Variants in RBFOX1 observed in about 807,000 individuals in gnomAD.
RBFOX1 encodes the protein RNA binding protein fox-1 homolog 1.
RBFOX1 carries 8 observed loss-of-function variants against 57.7 expected under a neutral mutation model. The ratio of observed to expected loss-of-function variants is 0.14; its 90% CI spans 0.08 to 0.25. The LOEUF (loss-of-function observed/expected upper bound fraction) is 0.25. Among genes scored for constraint, RBFOX1 ranks in the 10% least tolerant of loss-of-function variants. The pLI, the probability that RBFOX1 is intolerant of heterozygous loss-of-function variation, is 1.00. For missense variants in RBFOX1, 611 were observed against 548.5 expected, an observed-to-expected ratio of 1.11 and a Z score of -1.14; for synonymous variants, 326 against 222.4, an observed-to-expected ratio of 1.47 and a Z score of -4.15.
intron 4 of RBFOX1, among the ~76,000 whole-genome samples, chr16:5,932,943 A>G (rs182545068): frequency 1.3e-5 from 2 of 152,252 alleles, no homozygotes; most frequent in East Asian, 1.9e-4. Flanking sequence ...TCTCAAAATT[A>G]TTAGGTAATG....
At chr16:6,718,929 C>G (rs2065376040) in intron 3 of RBFOX1, among the ~76,000 whole-genome samples, 1 of 152,014 alleles carries the variant, frequency 6.6e-6, no homozygotes, top group Non-Finnish European at 1.5e-5. Context: ...GTGGCATGAT[C>G]TCAGCTTGCT....
At chr16:7,194,417 T>C (rs931119641) in intron 4 of RBFOX1, among the ~76,000 whole-genome samples, 4 of 152,174 alleles carry the variant, frequency 2.6e-5, no homozygotes, top group African/African-American at 9.7e-5. Context: ...CAGCTGACAA[T>C]TTATGATTAT....
intron 4 of RBFOX1, among the ~76,000 whole-genome samples, chr16:7,127,777 C>T (rs1226398340): frequency 1.3e-5 from 2 of 152,330 alleles, no homozygotes; most frequent in African/African-American, 2.4e-5. Context: ...TGGAGGCAGG[C>T]TGAAGCCTTG....
intron 4 of RBFOX1, among the ~76,000 whole-genome samples, chr16:7,390,591 G>A (rs981559512): frequency 6.6e-6 from 1 of 152,190 alleles, no homozygotes; most frequent in African/African-American, 2.4e-5. Context: ...AGTATAAGGT[G>A]CTATATTTCG....
chr16:6,665,572 C>G (rs2098726945), intron 3 of RBFOX1, among the ~76,000 whole-genome samples: 2 of 150,748 alleles, frequency 1.3e-5, no homozygotes, highest in East Asian at 3.9e-4. Flanking sequence ...TTGCAGTGAG[C>G]TGAGATTGTG....
intron 4 of RBFOX1, among the ~76,000 whole-genome samples, chr16:7,243,530 C>T (rs775178119): frequency 1.3e-5 from 2 of 152,078 alleles, no homozygotes; most frequent in African/African-American, 4.8e-5. Flanking sequence ...GAAGTTGACC[C>T]CTTACTCTTT....
chr16:6,663,964 C>A (rs1052728405), intron 3 of RBFOX1, among the ~76,000 whole-genome samples: 9 of 152,182 alleles, frequency 5.9e-5, no homozygotes, highest in Admixed American at 5.9e-4. Flanking sequence ...AAGGCTAATC[C>A]ACCTGAAACC....
At chr16:5,359,215 T>C (rs1479610844) in intron 1 of RBFOX1, among the ~76,000 whole-genome samples, 1 of 152,252 alleles carries the variant, frequency 6.6e-6, no homozygotes, top group African/African-American at 2.4e-5. Context: ...CATTCATCTG[T>C]TGATGGACAG....
chr16:6,305,131 T>G (rs1328521467), intron 1 of RBFOX1, among the ~76,000 whole-genome samples: 1 of 152,152 alleles, frequency 6.6e-6, no homozygotes, highest in African/African-American at 2.4e-5. Flanking sequence ...CTTTCTCGGG[T>G]TATCCCAAAT....
chr16:7,153,737 A>AAAAT (rs957437655), intron 4 of RBFOX1, among the ~76,000 whole-genome samples: 7 of 151,400 alleles, frequency 4.6e-5, no homozygotes, highest in African/African-American at 1.5e-4. Context: ...CAAAAAAAAA[A>AAAAT]AAAATAAGGA....
chr16:7,249,657 A>G (rs2094438049), intron 4 of RBFOX1, among the ~76,000 whole-genome samples: 1 of 151,538 alleles, frequency 6.6e-6, no homozygotes, highest in Non-Finnish European at 1.5e-5. Flanking sequence ...AAATCATTGA[A>G]TGGGTACCAG....
intron 1 of RBFOX1, among the ~76,000 whole-genome samples, chr16:6,192,124 ATAAC>A (rs1178911583): frequency 1.3e-5 from 2 of 152,166 alleles, no homozygotes; most frequent in Non-Finnish European, 2.9e-5. Flanking sequence ...CCCTGTATCA[ATAAC>A]TATTAATTCT....
At chr16:7,630,122 G>C (rs530608855) in intron 10 of RBFOX1, among the ~76,000 whole-genome samples, 1 of 152,016 alleles carries the variant, frequency 6.6e-6, no homozygotes, top group South Asian at 2.1e-4. Context: ...CCTGCCCTGG[G>C]TACGTCTCCA....
chr16:7,006,553 A>G (rs530431862), intron 3 of RBFOX1, among the ~76,000 whole-genome samples: 1 of 152,210 alleles, frequency 6.6e-6, no homozygotes, highest in South Asian at 2.1e-4. Context: ...GGGCTCAAGC[A>G]GTCCTCCCAC....
At chr16:6,001,471 A>G (rs191870540) in intron 4 of RBFOX1, among the ~76,000 whole-genome samples, 105 of 152,326 alleles carry the variant, frequency 6.9e-4, no homozygotes, top group Non-Finnish European at 1.2e-3. Flanking sequence ...ACAGAAAGCA[A>G]TTCCTCTGGA....
At chr16:6,532,330 C>G (rs1293003580) in intron 2 of RBFOX1, among the ~76,000 whole-genome samples, 2 of 152,118 alleles carry the variant, frequency 1.3e-5, no homozygotes, top group African/African-American at 2.4e-5. Context: ...TCTCCATTCC[C>G]TTTTCATAGA....
intron 2 of RBFOX1, among the ~76,000 whole-genome samples, chr16:6,649,346 A>G (rs1056999214): frequency 6.6e-6 from 1 of 152,042 alleles, no homozygotes; most frequent in African/African-American, 2.4e-5. Flanking sequence ...TTCTTCCTTG[A>G]TGGACACTTA....
chr16:7,003,794 A>T (rs1481962893), intron 3 of RBFOX1, among the ~76,000 whole-genome samples: 1 of 152,144 alleles, frequency 6.6e-6, no homozygotes, highest in Admixed American at 6.5e-5. Context: ...ACTTTTTGGG[A>T]TGAGACTAAA....
chr16:6,633,376 C>G (rs138335134), intron 2 of RBFOX1, among the ~76,000 whole-genome samples: 291 of 152,292 alleles, frequency 1.9e-3, no homozygotes, highest in African/African-American at 6.4e-3. Context: ...CTCCCAGGTT[C>G]AAGTGATTCT....
Sources: allele counts gnomAD v4.1 joint callset (sites outside exome capture counted in the v4.1 genomes callset), GRCh38; gene constraint gnomAD v4.1.1; transcripts MANE v1.5; gene names NCBI Gene and HGNC (gene_info 2026-07-23, HGNC 2026-07-21).